MALRD1: variants seen among roughly 807,000 people sequenced by gnomAD.
MALRD1 encodes MAM and LDL receptor class A domain containing 1.
MALRD1 carries 247 observed loss-of-function variants against 242.1 expected under a neutral mutation model. The ratio of observed to expected loss-of-function variants is 1.02; its 90% CI spans 0.92 to 1.13. The LOEUF (loss-of-function observed/expected upper bound fraction) is 1.13. Ranked by LOEUF, MALRD1 falls within the 50% of genes most tolerant of loss-of-function variation. The pLI, the probability that MALRD1 is intolerant of heterozygous loss-of-function variation, is 0.00. For synonymous variants in MALRD1, 995 were observed against 866.6 expected, an observed-to-expected ratio of 1.15 and a Z score of -2.60; for missense variants, 2,989 against 2,533.1, an observed-to-expected ratio of 1.18 and a Z score of -3.86.
At chr10:19,154,962 G>T (rs896107816) in intron 11 of MALRD1, 113 bp from the exon 12 acceptor site, 3 of 488,040 alleles carry the variant, frequency 6.1e-6, no homozygotes, top group Non-Finnish European at 9.7e-6. Flanking sequence ...TGTAAAAAAT[G>T]TACTTTTCTT....
intron 28 of MALRD1, among the ~76,000 whole-genome samples, chr10:19,412,278 G>A (rs1267611786): frequency 1.3e-5 from 2 of 152,192 alleles, no homozygotes; most frequent in Admixed American, 6.5e-5. Flanking sequence ...GTGAAAGAGC[G>A]AAACTCGGTC....
At chr10:19,179,954 C>T (rs1835430776) in intron 14 of MALRD1, among the ~76,000 whole-genome samples, 1 of 151,892 alleles carries the variant, frequency 6.6e-6, no homozygotes, top group Non-Finnish European at 1.5e-5. Flanking sequence ...TAAAACTATC[C>T]TAGCATCCCT....
At position 19,619,971 on chromosome 10, in the gene MALRD1, C is replaced by G. The variant is rs148847660; in HGVS notation, c.6137+4048C>G. 6.6e-3 allele frequency among the ~76,000 whole-genome samples: 1,001 copies of G among 151,398 alleles called. 45 individuals carry two copies. Among genetic ancestry groups the G allele is most frequent in the Admixed American group, 0.06 (909 of 15,162 alleles). ...GGTAGAGGCTGCAATGAGTCGTGATCGTGCCAGACTGAGTGACAGAGTAAG... is the reference window on the plus strand; with the variant it reads ...GGTAGAGGCTGCAATGAGTCGTGATGGTGCCAGACTGAGTGACAGAGTAAG... On this transcript the variant is annotated intron_variant, in intron 36 of 39. Coordinates refer to ENST00000454679, the MANE Select transcript of MALRD1 (RefSeq NM_001142308.3).
intron 32 of MALRD1, among the ~76,000 whole-genome samples, chr10:19,564,857 C>G (rs999588187): frequency 6.6e-6 from 1 of 152,052 alleles, no homozygotes; most frequent in Admixed American, 6.6e-5. Flanking sequence ...AATATCATTT[C>G]TATTGAAGGA....
intron 18 of MALRD1, among the ~76,000 whole-genome samples, chr10:19,234,935 G>A (rs75708594): frequency 0.017 from 2,564 of 152,182 alleles, 69 homozygotes; most frequent in African/African-American, 0.058. Context: ...TGGGAACTGG[G>A]AATTAAAAAG....
intron 5 of MALRD1, among the ~76,000 whole-genome samples, chr10:19,108,377 ATTG>A (rs1190484614): frequency 1.0e-5 from 1 of 97,036 alleles, no homozygotes; most frequent in Non-Finnish European, 2.3e-5. Context: ...GAGCTCATGA[ATTG>A]TTTTTTCTTT....
intron 33 of MALRD1, among the ~76,000 whole-genome samples, chr10:19,583,196 CT>C (rs919310480): frequency 2.0e-4 from 29 of 147,972 alleles, no homozygotes; most frequent in Non-Finnish European, 3.7e-4. Context: ...TCCTCCTTTC[CT>C]AATTGAATAC....
At chr10:19,323,885 A>G in intron 21 of MALRD1, 64 bp from the exon 22 acceptor site, 1 of 1,467,630 alleles carries the variant, frequency 6.8e-7, no homozygotes, top group Non-Finnish European at 9.2e-7. Flanking sequence ...TCCTGGGATT[A>G]CAGGCGTGAG....
chr10:19,311,342 A>T (rs971108213), intron 21 of MALRD1, among the ~76,000 whole-genome samples: 9 of 151,222 alleles, frequency 6.0e-5, no homozygotes. Context: ...AATTTGGGGA[A>T]ATTCCTAGGT....
At chr10:19,716,056 C>G (rs1032094534) in intron 38 of MALRD1, among the ~76,000 whole-genome samples, 1 of 152,202 alleles carries the variant, frequency 6.6e-6, no homozygotes. Context: ...ACAAAACATC[C>G]AAATCATATC....
chr10:19,331,665 G>A, intron 24 of MALRD1, 83 bp downstream of exon 24: 2 of 1,137,308 alleles, frequency 1.8e-6, no homozygotes, highest in Non-Finnish European at 2.5e-6. Flanking sequence ...GTTGAAACAT[G>A]CAGAGTGTGT....
Position 19,615,864 on chromosome 10 carries a change from A to C in MALRD1, c.6078A>C (p.Pro2026=). 6.5e-7 allele frequency: 1 copy of C among 1,530,026 alleles called. No homozygotes were observed. The highest frequency in any genetic ancestry group is 8.7e-7 in the Non-Finnish European group (1 of 1,143,168). 94.8% of individuals were successfully genotyped at this position (1,530,026 alleles called of 1,614,324 possible). A position where few individuals can be genotyped will look rare whatever the true frequency, so the allele number is the denominator to read the frequency against. ...TGTGATGCTTCTTTTTAGAATGTCC[A>C]TTAAATTACTGCAGAAATGGTGGGA... ...QLDESSCSEC[P]LNYCRNGGTC... Residue 2026 remains proline, a synonymous_variant, in exon 36 of 40, where the codon CCA becomes CCC. Transcript: ENST00000454679.
chr10:19,264,493 G>A (rs1338178619), intron 19 of MALRD1, among the ~76,000 whole-genome samples: 5 of 137,896 alleles, frequency 3.6e-5, no homozygotes, highest in African/African-American at 8.1e-5. Context: ...TTGCTCTGTC[G>A]CCCAGGCTAG....
At chr10:19,440,933 T>C (rs1834608345) in intron 28 of MALRD1, among the ~76,000 whole-genome samples, 1 of 152,050 alleles carries the variant, frequency 6.6e-6, no homozygotes, top group Non-Finnish European at 1.5e-5. Flanking sequence ...ACTTCCACAA[T>C]GGTTGAACTA....
chr10:19,538,301 C>T (rs1834776479), intron 32 of MALRD1, among the ~76,000 whole-genome samples: 1 of 152,146 alleles, frequency 6.6e-6, no homozygotes, highest in Non-Finnish European at 1.5e-5. Flanking sequence ...AAAATGTTCA[C>T]ATGGGCATCA....
chr10:19,489,707 A>G (rs1837398011), intron 29 of MALRD1, among the ~76,000 whole-genome samples: 1 of 152,152 alleles, frequency 6.6e-6, no homozygotes, highest in South Asian at 2.1e-4. Context: ...GTTAGTTTTT[A>G]TATCCTATAA....
At chr10:19,646,698 T>C (rs1245654402) in intron 36 of MALRD1, among the ~76,000 whole-genome samples, 1 of 152,214 alleles carries the variant, frequency 6.6e-6, no homozygotes, top group Admixed American at 6.5e-5. Context: ...AAGTACTGTT[T>C]ATCTCTGTAT....
intron 31 of MALRD1, among the ~76,000 whole-genome samples, chr10:19,530,733 G>A (rs1048994222): frequency 6.6e-6 from 1 of 151,818 alleles, no homozygotes; most frequent in African/African-American, 2.4e-5. Flanking sequence ...CTATTGTAAT[G>A]ACTCTTAGAA....
At chr10:19,232,308 A>G (rs889434004) in intron 18 of MALRD1, among the ~76,000 whole-genome samples, 2 of 150,386 alleles carry the variant, frequency 1.3e-5, no homozygotes, top group African/African-American at 4.9e-5. Flanking sequence ...CTGGGATTAT[A>G]GGTGCCCGCC....
Sources: allele counts gnomAD v4.1 joint callset (sites outside exome capture counted in the v4.1 genomes callset), GRCh38; gene constraint gnomAD v4.1.1; transcripts MANE v1.5; gene names NCBI Gene and HGNC (gene_info 2026-07-23, HGNC 2026-07-21).